NUP214: variants seen among roughly 807,000 people sequenced by gnomAD.
NUP214 encodes nucleoporin 214, also known as nuclear pore complex protein Nup214.
A neutral mutation model predicts 196.2 loss-of-function variants in NUP214; 79 were observed. The observed-to-expected ratio is 0.40, with a 90% confidence interval of 0.34 to 0.49. The LOEUF (loss-of-function observed/expected upper bound fraction) is 0.49. Ranked by LOEUF, NUP214 falls within the 20% of genes least tolerant of loss-of-function variation. The pLI is 0.58. For missense variants in NUP214, 2,468 were observed against 2,539.0 expected (o/e 0.97, Z 0.60); for synonymous variants, 1,020 against 990.5 (o/e 1.03, Z -0.56).
intron 31 of NUP214, among the ~76,000 whole-genome samples, chr9:131,217,659 C>T (rs1834442122): frequency 6.6e-6 from 1 of 152,210 alleles, no homozygotes; most frequent in African/African-American, 2.4e-5. Flanking sequence ...GAATCTGGCA[C>T]AGAATAGACA....
rs761946503 is a variant in NUP214 at position 131,197,361 on chromosome 9, C to G, written c.3867C>G (p.Ala1289=). 6.2e-7 allele frequency: 1 copy of G among 1,614,150 alleles called. No individual in the cohort carries two copies. Among genetic ancestry groups the G allele is most frequent in the Admixed American group, 1.7e-5 (1 of 60,022 alleles). ...SASNTTPGEP[A]ASSSRPVAPS... ...CAAACACCACCCCAGGAGAACCTGCCGCATCTAGCAGCAGACCTGTGGCAC... is the reference window on the plus strand; with the variant it reads ...CAAACACCACCCCAGGAGAACCTGCGGCATCTAGCAGCAGACCTGTGGCAC... The change falls in exon 29 of 36, where the codon GCC becomes GCG. Residue 1289 remains alanine (A), a synonymous_variant. Transcript: ENST00000359428.
chr9:131,186,916 A>C (rs1239804786), intron 24 of NUP214, among the ~76,000 whole-genome samples: 1 of 152,156 alleles, frequency 6.6e-6, no homozygotes, highest in Non-Finnish European at 1.5e-5. Flanking sequence ...AATGCTTCCC[A>C]TAGAGCCTGC....
At chr9:131,216,564 G>A (rs1834405934) in intron 31 of NUP214, among the ~76,000 whole-genome samples, 1 of 133,952 alleles carries the variant, frequency 7.5e-6, no homozygotes, top group Non-Finnish European at 1.6e-5. Flanking sequence ...ACGGAGTGTT[G>A]CTCTGTCACC....
intron 5 of NUP214, 140 bp from the exon 6 acceptor site, chr9:131,132,456 G>A (rs1359678391): frequency 1.4e-6 from 1 of 708,988 alleles, no homozygotes. Context: ...GAAGTAGATA[G>A]CACTATTCTG....
intron 17 of NUP214, among the ~76,000 whole-genome samples, chr9:131,154,514 G>A (rs1467785646): frequency 6.6e-6 from 1 of 152,128 alleles, no homozygotes; most frequent in Non-Finnish European, 1.5e-5. Context: ...GAGTGCAGTG[G>A]CGTGATCTTG....
In NUP214 at chr9:131,175,517, C is replaced by T. The variant is rs762974028; in HGVS notation, c.3215C>T (p.Thr1072Met). ...PQGADSTMLATKTVKHGAPSP... is the reference protein window; with the variant it reads ...PQGADSTMLAMKTVKHGAPSP... ...GGGGCCGATAGCACAATGCTTGCCA[C>T]GAAAACCGTGAAACATGGTGCACCT... is the stretch of plus-strand genomic sequence containing the variant. Residue 1072 changes from threonine (T) to methionine (M), a missense_variant, in exon 23 of 36, where the codon ACG becomes ATG. Thr to Met is a moderately conservative substitution (Grantham distance 81). This residue lies in a region of NUP214 where 1,801 missense variants were observed against 1,779.4 expected (regional missense o/e 1.01). Coordinates refer to ENST00000359428, the MANE Select transcript of NUP214 (RefSeq NM_005085.4). 8.1e-6 allele frequency: 13 copies of T among 1,614,102 alleles called. No individual in the cohort carries two copies. The highest frequency in any genetic ancestry group is 4.5e-5 in the East Asian group (2 of 44,888).
chr9:131,197,024 G>A (rs541082193), intron 28 of NUP214, among the ~76,000 whole-genome samples, 192 bp from the exon 29 acceptor site: 59 of 152,264 alleles, frequency 3.9e-4, no homozygotes, highest in African/African-American at 1.3e-3. Flanking sequence ...TTTCACCTCA[G>A]ACGACTCAGA....
intron 29 of NUP214, among the ~76,000 whole-genome samples, chr9:131,199,368 A>G (rs966394951): frequency 3.9e-5 from 6 of 152,116 alleles, no homozygotes; most frequent in Non-Finnish European, 5.9e-5. Context: ...TGTAGAGATC[A>G]TTATACCCAA....
At chr9:131,155,667 A>G (rs1409777157) in intron 17 of NUP214, among the ~76,000 whole-genome samples, 1 of 152,160 alleles carries the variant, frequency 6.6e-6, no homozygotes, top group Non-Finnish European at 1.5e-5. Context: ...AAGGTGAGAG[A>G]TGAGGATCCA....
intron 30 of NUP214, among the ~76,000 whole-genome samples, chr9:131,213,597 G>A (rs1485646286): frequency 2.0e-5 from 3 of 152,196 alleles, no homozygotes; most frequent in Non-Finnish European, 4.4e-5. Flanking sequence ...CAGCTAAGCA[G>A]TCAAATACCT....
intron 11 of NUP214, among the ~76,000 whole-genome samples, chr9:131,142,948 TG>T (rs1831966217): frequency 6.6e-6 from 1 of 152,206 alleles, no homozygotes. Flanking sequence ...CTTATTTAGT[TG>T]GTTATTTAAT....
At chr9:131,186,413 G>T (rs781251640) in intron 24 of NUP214, among the ~76,000 whole-genome samples, 3 of 152,100 alleles carry the variant, frequency 2.0e-5, no homozygotes, top group Non-Finnish European at 4.4e-5. Context: ...ATTTTCTTCC[G>T]TGAGGCACAG....
intron 11 of NUP214, among the ~76,000 whole-genome samples, chr9:131,142,095 G>A (rs994327650): frequency 1.3e-5 from 2 of 152,132 alleles, no homozygotes; most frequent in Non-Finnish European, 2.9e-5. Context: ...TTGTATCAGG[G>A]TAGTCCATTA....
chr9:131,173,928 T>C, intron 21 of NUP214, 127 bp from the exon 22 acceptor site: 1 of 1,261,628 alleles, frequency 7.9e-7, no homozygotes, highest in Non-Finnish European at 1.1e-6. Context: ...TGCTCCCACT[T>C]AAAATAAGTA....
intron 30 of NUP214, among the ~76,000 whole-genome samples, chr9:131,213,194 T>G (rs1182071653): frequency 6.6e-6 from 1 of 151,502 alleles, no homozygotes; most frequent in East Asian, 1.9e-4. Flanking sequence ...TTTTTTTTTT[T>G]GACGGTGTTT....
In NUP214 at chr9:131,129,262, C is replaced by G; in HGVS notation, c.394-17C>G. The G allele has an allele frequency of 6.2e-7, 1 of 1,606,454 alleles. No homozygotes were observed. Among genetic ancestry groups the G allele is most frequent in the Non-Finnish European group, 8.5e-7 (1 of 1,173,870 alleles). Reference sequence around the variant, plus strand: ...TATTTGTTAACTTATTTCACTTTTGCATATTTGTTTTAAAAGGCTAAACAG... The same window carrying G: ...TATTTGTTAACTTATTTCACTTTTGGATATTTGTTTTAAAAGGCTAAACAG... On this transcript the variant is annotated splice_polypyrimidine_tract_variant and intron_variant, in intron 3 of 35. Coordinates refer to ENST00000359428, the MANE Select transcript of NUP214 (RefSeq NM_005085.4).
rs559252504 is a variant in NUP214, at chr9:131,153,814, G to C, written c.2436+1920G>C. On this transcript the variant is annotated intron_variant, in intron 17 of 35. Coordinates refer to ENST00000359428, the MANE Select transcript of NUP214 (RefSeq NM_005085.4). ...AGCCTGTGCTCGTACTCAAGAGTCT[G>C]GTTTACAGTTCATGCAGGTTTACAA... 2.6e-5 allele frequency among the ~76,000 whole-genome samples: 4 copies of C among 152,316 alleles called. No homozygotes were observed. The South Asian group carries it at 8.3e-4, about 32-fold the overall frequency.
In NUP214 at chr9:131,159,475, GAAA is replaced by G; in HGVS notation, c.2533_2535del (p.Lys845del). ...AGTGGGATCAGCATCTGGAACAAAAGAAAAAACAAAGGTGAATGAGATCTCTCA... is the reference window on the plus strand; with the variant it reads ...AGTGGGATCAGCATCTGGAACAAAAGAAACAAAGGTGAATGAGATCTCTCA... On this transcript the variant is annotated inframe_deletion, in exon 18 of 36. Transcript: ENST00000359428. 1 of 1,611,790 alleles carries G rather than the reference GAAA, an allele frequency of 6.2e-7. No individual in the cohort carries two copies. Among genetic ancestry groups the G allele is most frequent in the Non-Finnish European group, 8.5e-7 (1 of 1,178,214 alleles).
intron 21 of NUP214, 134 bp from the exon 22 acceptor site, chr9:131,173,921 T>C: frequency 8.6e-7 from 1 of 1,169,502 alleles, no homozygotes; most frequent in Non-Finnish European, 1.2e-6. Flanking sequence ...CAATACCTGC[T>C]CCCACTTAAA....
Sources: gnomAD v4.1 joint callset for allele counts (sites outside exome capture counted in the v4.1 genomes callset) on GRCh38, gnomAD v4.1.1 for gene constraint, gnomAD v4.1.1 regional missense constraint, MANE v1.5 for transcripts, NCBI Gene and HGNC (gene_info 2026-07-23, HGNC 2026-07-21) for gene names.